Variants in ASTN2 observed in about 807,000 individuals in gnomAD.
The protein encoded by ASTN2 is astrotactin-2.
In ASTN2, 54 loss-of-function variants were observed where a neutral mutation model predicts 139.8. The ratio of observed to expected loss-of-function variants is 0.39; its 90% CI spans 0.31 to 0.48. The LOEUF is 0.48. Ranked by LOEUF, ASTN2 falls within the 20% of genes least tolerant of loss-of-function variation. The pLI is 0.95. For missense variants in ASTN2, 1,565 were observed against 1,725.1 expected, an observed-to-expected ratio of 0.91 and a Z score of 1.64; for synonymous variants, 756 against 719.5, an observed-to-expected ratio of 1.05 and a Z score of -0.81.
chr9:116,940,919 G>T (rs1267849764), intron 10 of ASTN2, among the ~76,000 whole-genome samples: 1 of 152,052 alleles, frequency 6.6e-6, no homozygotes, highest in Admixed American at 6.5e-5. Context: ...TCTATGTTTA[G>T]ATATGCTCAG....
At position 117,186,546 on chromosome 9, in the gene ASTN2, C is replaced by CA. The variant is rs1290940060; in HGVS notation, c.1015+27811dup. ...TGGGCAACAGAGCGAGACTCTGTCT[C>CA]AAAAAAATAAATAAATAAAATAAAA... On this transcript the variant is annotated intron_variant, in intron 3 of 22. Transcript: ENST00000313400. Among the ~76,000 whole-genome samples, 9 of 150,742 alleles carry CA rather than the reference C, an allele frequency of 6.0e-5. No individual in the cohort carries two copies. The South Asian group carries it at 6.3e-4, about 11-fold the overall frequency.
intron 10 of ASTN2, among the ~76,000 whole-genome samples, chr9:116,929,177 G>A (rs1834834606): frequency 1.3e-5 from 2 of 152,290 alleles, no homozygotes; most frequent in South Asian, 4.1e-4. Context: ...GCTGGACCTG[G>A]AAGGACTAAT....
At position 116,552,500 on chromosome 9, in the gene ASTN2, T is replaced by C. The variant is rs375160547; in HGVS notation, c.3356-65000A>G. Among the ~76,000 whole-genome samples, 9 of 152,316 alleles carry C rather than the reference T, an allele frequency of 5.9e-5. No individual in the cohort carries two copies. The East Asian group carries it at 1.2e-3, about 20-fold the overall frequency. ...CACTAGAATTTGCCTCTCTCAGTGA[T>C]TCCTGGGGTGCCTCAAAGTATGCCT... On this transcript the variant is annotated intron_variant, in intron 19 of 22. Coordinates refer to ENST00000313400, the MANE Select transcript of ASTN2 (RefSeq NM_001365068.1).
At chr9:117,282,820 G>A (rs1236913560) in intron 2 of ASTN2, among the ~76,000 whole-genome samples, 1 of 143,660 alleles carries the variant, frequency 7.0e-6, no homozygotes, top group Non-Finnish European at 1.5e-5. Flanking sequence ...GATGTGTAAG[G>A]TGCATGAGAA....
chr9:116,463,208 C>T (rs1305848482), intron 20 of ASTN2, among the ~76,000 whole-genome samples: 1 of 152,158 alleles, frequency 6.6e-6, no homozygotes, highest in East Asian at 1.9e-4. Flanking sequence ...TTAGAACCAT[C>T]TCCCAACCAG....
At chr9:117,029,379 C>G (rs984606985) in intron 6 of ASTN2, among the ~76,000 whole-genome samples, 1 of 152,150 alleles carries the variant, frequency 6.6e-6, no homozygotes, top group Non-Finnish European at 1.5e-5. Context: ...CTGCAATCAT[C>G]CATTGCCCTT....
intron 1 of ASTN2, among the ~76,000 whole-genome samples, chr9:117,400,234 A>T (rs958428875): frequency 6.6e-6 from 1 of 152,230 alleles, no homozygotes; most frequent in Non-Finnish European, 1.5e-5. Flanking sequence ...GACTCCAGGC[A>T]CTACCTCCAA....
At chr9:117,280,160 T>A (rs868320871) in intron 2 of ASTN2, among the ~76,000 whole-genome samples, 1 of 152,190 alleles carries the variant, frequency 6.6e-6, no homozygotes, top group Non-Finnish European at 1.5e-5. Context: ...TTTGTCCATA[T>A]TTTTTCATGA....
intron 13 of ASTN2, among the ~76,000 whole-genome samples, chr9:116,782,848 G>A (rs1830256612): frequency 6.6e-6 from 1 of 152,118 alleles, no homozygotes; most frequent in Non-Finnish European, 1.5e-5. Context: ...TCTACCTGGA[G>A]TCCTACACCC....
intron 12 of ASTN2, among the ~76,000 whole-genome samples, chr9:116,814,556 A>G (rs1266198900): frequency 6.7e-6 from 1 of 149,970 alleles, no homozygotes; most frequent in Non-Finnish European, 1.5e-5. Flanking sequence ...AGAAACAAGG[A>G]AAAAAAAAAG....
intron 12 of ASTN2, 60 bp from the exon 13 acceptor site, chr9:116,805,880 G>T: frequency 6.5e-7 from 1 of 1,544,732 alleles, no homozygotes; most frequent in South Asian, 1.2e-5. Context: ...CATTGGGGGT[G>T]ACCTAAAACC....
In ASTN2 at chr9:116,926,754, A is replaced by C. The variant is rs148702375; in HGVS notation, c.1889+48454T>G. ...AGATGAGAAAACTGATAACTGAATA[A>C]GTTAACTCAAGGTCATCCACAGAGT... On this transcript the variant is annotated intron_variant, in intron 10 of 22. Transcript: ENST00000313400. Among the ~76,000 whole-genome samples, 22 of 152,312 alleles carry C rather than the reference A, an allele frequency of 1.4e-4. No homozygotes were observed. The East Asian group carries it at 3.7e-3, about 25-fold the overall frequency.
At chr9:116,478,917 G>A (rs1242787204) in intron 20 of ASTN2, among the ~76,000 whole-genome samples, 3 of 146,276 alleles carry the variant, frequency 2.1e-5, no homozygotes, top group African/African-American at 5.0e-5. Flanking sequence ...GCTTGAACCC[G>A]GGAGGCAGAG....
chr9:116,676,465 A>G (rs763520999), intron 16 of ASTN2, among the ~76,000 whole-genome samples: 4 of 152,216 alleles, frequency 2.6e-5, no homozygotes, highest in Admixed American at 6.5e-5. Context: ...CAGGCTGGTC[A>G]GTTACAAACT....
chr9:116,560,518 C>G (rs1199091433), intron 19 of ASTN2, among the ~76,000 whole-genome samples: 1 of 152,068 alleles, frequency 6.6e-6, no homozygotes, highest in East Asian at 1.9e-4. Context: ...TCATAGTAAC[C>G]TTCAATAAGT....
intron 1 of ASTN2, among the ~76,000 whole-genome samples, chr9:117,351,949 C>T (rs10818029): frequency 0.48 from 73,047 of 151,918 alleles, 18,967 homozygotes; most frequent in East Asian, 0.94. Flanking sequence ...ATGTCCTCAT[C>T]GTCTAAGCCC....
intron 13 of ASTN2, among the ~76,000 whole-genome samples, chr9:116,734,711 T>C (rs2132128484): frequency 6.6e-6 from 1 of 152,308 alleles, no homozygotes; most frequent in African/African-American, 2.4e-5. Context: ...AGCAATGCCT[T>C]TGAAGCCTGT....
Position 116,426,022 on chromosome 9 carries a change from A to G in ASTN2, c.3849T>C (p.Ser1283=). The change falls in exon 23 of 23, where the codon AGT becomes AGC. Residue 1283 remains serine (S), a synonymous_variant. Transcript: ENST00000313400. The part of the protein sequence containing the change: ...VSSHCSSLLR[S]AYIQSRVETV... Reference sequence around the variant, plus strand: ...TTTCCACGCGGCTCTGGATGTAGGCACTCCGCAGGAGGCTGGAGCAGTGGC... The same window carrying G: ...TTTCCACGCGGCTCTGGATGTAGGCGCTCCGCAGGAGGCTGGAGCAGTGGC... The G allele has an allele frequency of 1.9e-6, 3 of 1,613,956 alleles. No individual in the cohort carries two copies. The highest frequency in any genetic ancestry group is 1.7e-6 in the Non-Finnish European group (2 of 1,179,998).
chr9:117,163,844 T>C (rs369074896), intron 3 of ASTN2, among the ~76,000 whole-genome samples: 92 of 152,212 alleles, frequency 6.0e-4, no homozygotes, highest in Middle Eastern at 3.4e-3. Context: ...TTGTAACACT[T>C]TTCATAGGTG....
Sources: gnomAD v4.1 joint callset for allele counts (sites outside exome capture counted in the v4.1 genomes callset) on GRCh38, gnomAD v4.1.1 for gene constraint, MANE v1.5 for transcripts, NCBI Gene and HGNC (gene_info 2026-07-23, HGNC 2026-07-21) for gene names.